The following TAS2R1 variants were observed in gnomAD, a reference collection of about 807,000 sequenced individuals.
TAS2R1 encodes the protein taste receptor type 2 member 1.
For synonymous variants in TAS2R1, 141 were observed against 134.2 expected (o/e 1.05, Z -0.35); for missense variants, 370 against 353.4 (o/e 1.05, Z -0.38).
upstream of TAS2R1, among the ~76,000 whole-genome samples, chr5:9,716,290 G>A (rs955683108): frequency 1.3e-5 from 2 of 152,108 alleles, no homozygotes; most frequent in Admixed American, 1.3e-4. Context: ...AATCTGTGAG[G>A]CAGGAAGCCA....
chr5:9,843,915 T>C, the TAS2R1 span, among the ~76,000 whole-genome samples: 1 of 152,210 alleles, frequency 6.6e-6, no homozygotes, highest in African/African-American at 2.4e-5. Flanking sequence ...GAGCCTTTTG[T>C]TGGCTGTCTG....
chr5:9,870,807 A>C, the TAS2R1 span, among the ~76,000 whole-genome samples: 1 of 152,184 alleles, frequency 6.6e-6, no homozygotes, highest in South Asian at 2.1e-4. Flanking sequence ...GGATAGGATG[A>C]ATGAGAGGAT....
chr5:9,672,047 T>G (rs1455526421), intron 1 of TAS2R1, among the ~76,000 whole-genome samples: 1 of 152,122 alleles, frequency 6.6e-6, no homozygotes, highest in Non-Finnish European at 1.5e-5. Context: ...GGGGAAGGAC[T>G]CCCTATTCAA....
the TAS2R1 span, among the ~76,000 whole-genome samples, chr5:9,719,939 C>A: frequency 0.38 from 33,557 of 87,930 alleles, 5,925 homozygotes; most frequent in African/African-American, 0.46. Context: ...AAAAAAAAAA[C>A]AAAAACAAAA....
the TAS2R1 span, among the ~76,000 whole-genome samples, chr5:9,838,396 G>A: frequency 6.6e-6 from 1 of 152,124 alleles, no homozygotes; most frequent in Non-Finnish European, 1.5e-5. Flanking sequence ...AATAGAATAC[G>A]CCTCTTAAAA....
chr5:9,836,751 T>A, the TAS2R1 span, among the ~76,000 whole-genome samples: 9,115 of 152,216 alleles, frequency 0.06, 651 homozygotes, highest in East Asian at 0.23. Context: ...TGTTCCCATA[T>A]CTAAAGTCAG....
the TAS2R1 span, among the ~76,000 whole-genome samples, chr5:9,838,581 A>G: frequency 1.3e-5 from 2 of 152,290 alleles, no homozygotes; most frequent in South Asian, 4.1e-4. Context: ...AGCTGAGGTT[A>G]TCACTGACAT....
the TAS2R1 span, among the ~76,000 whole-genome samples, chr5:9,726,493 T>G: frequency 6.6e-6 from 1 of 152,130 alleles, no homozygotes; most frequent in Non-Finnish European, 1.5e-5. Context: ...TTTCACTCTT[T>G]GCAATAAATC....
the TAS2R1 span, among the ~76,000 whole-genome samples, chr5:9,743,125 G>A: frequency 0.018 from 2,793 of 151,408 alleles, 71 homozygotes; most frequent in African/African-American, 0.061. Context: ...GACAACCTGC[G>A]AAGACACTAC....
chr5:9,731,098 G>A, the TAS2R1 span, among the ~76,000 whole-genome samples: 1 of 152,038 alleles, frequency 6.6e-6, no homozygotes, highest in African/African-American at 2.4e-5. Context: ...CGACAGGTAT[G>A]CCCTCCACCA....
intron 1 of TAS2R1, among the ~76,000 whole-genome samples, chr5:9,685,162 G>A (rs1427322584): frequency 6.6e-6 from 1 of 152,140 alleles, no homozygotes; most frequent in African/African-American, 2.4e-5. Context: ...AAAGTCAAAG[G>A]GAGAGCTCTG....
At chr5:9,845,717 T>C in the TAS2R1 span, among the ~76,000 whole-genome samples, 18 of 152,202 alleles carry the variant, frequency 1.2e-4, no homozygotes, top group African/African-American at 4.3e-4. Context: ...TGAGCCTAAA[T>C]TAAGGACCAA....
the TAS2R1 span, among the ~76,000 whole-genome samples, chr5:9,802,646 T>C: frequency 2.6e-5 from 4 of 152,170 alleles, no homozygotes; most frequent in Non-Finnish European, 4.4e-5. Context: ...CTTACACCTG[T>C]AATCCCAGCA....
chr5:9,888,943 G>A, the TAS2R1 span, among the ~76,000 whole-genome samples: 127 of 152,362 alleles, frequency 8.3e-4, 1 homozygote, highest in Non-Finnish European at 1.5e-3. Flanking sequence ...AAACATTTCA[G>A]AGGGGATGAG....
chr5:9,734,359 C>G, the TAS2R1 span, among the ~76,000 whole-genome samples: 2 of 152,202 alleles, frequency 1.3e-5, no homozygotes, highest in African/African-American at 4.8e-5. Context: ...TTTGTCCAAT[C>G]AATACAGCTC....
At chr5:9,661,220 T>C (rs1740526599) in intron 1 of TAS2R1, among the ~76,000 whole-genome samples, 1 of 152,252 alleles carries the variant, frequency 6.6e-6, no homozygotes, top group Non-Finnish European at 1.5e-5. Context: ...TCCTGTTCTT[T>C]CTAGCCACAG....
chr5:9,873,300 GC>G, the TAS2R1 span, among the ~76,000 whole-genome samples: 1 of 151,988 alleles, frequency 6.6e-6, no homozygotes, highest in African/African-American at 2.4e-5. Context: ...GTGCTAAAAG[GC>G]TCCCTGTAGA....
At chr5:9,898,055 G>T in the TAS2R1 span, among the ~76,000 whole-genome samples, 1 of 152,134 alleles carries the variant, frequency 6.6e-6, no homozygotes, top group African/African-American at 2.4e-5. Flanking sequence ...TGTTCCCAAC[G>T]CATCCTTGTG....
chr5:9,788,238 C>T, the TAS2R1 span, among the ~76,000 whole-genome samples: 61,050 of 152,052 alleles, frequency 0.4, 12,336 homozygotes, highest in Admixed American at 0.47. Flanking sequence ...GAGTTCTCTG[C>T]CTGCCTAATC....
Sources: gnomAD v4.1 joint callset for allele counts (sites outside exome capture counted in the v4.1 genomes callset) on GRCh38, gnomAD v4.1.1 for gene constraint, MANE v1.5 for transcripts, NCBI Gene and HGNC (gene_info 2026-07-23, HGNC 2026-07-21) for gene names.